Variants in FBN3 observed in about 807,000 individuals in gnomAD.
FBN3 encodes fibrillin 3.
In FBN3, 234 loss-of-function variants were observed where a neutral mutation model predicts 330.1. The ratio of observed to expected loss-of-function variants is 0.71; its 90% CI spans 0.64 to 0.79. The LOEUF is 0.79. Ranked by LOEUF, FBN3 falls within the 30% of genes least tolerant of loss-of-function variation. FBN3 has a pLI of 0.00. For missense variants in FBN3, 3,606 were observed against 3,886.9 expected, an observed-to-expected ratio of 0.93 and a Z score of 1.92; for synonymous variants, 1,458 against 1,517.3, an observed-to-expected ratio of 0.96 and a Z score of 0.91.
At position 8,147,046 on chromosome 19, in the gene FBN3, G is replaced by A. The variant is rs994003538; in HGVS notation, c.250+58C>T. The A allele has an allele frequency of 4.1e-6, 6 of 1,446,168 alleles. No individual in the cohort carries two copies. The African/African-American group carries it at 7.0e-5, about 17-fold the overall frequency. The allele number at this position is 1,446,168 out of a possible 1,614,324, so 89.6% of individuals were successfully genotyped here. A position where few individuals can be genotyped will look rare whatever the true frequency, so the allele number is the denominator to read the frequency against. On this transcript the variant is annotated intron_variant, in intron 3 of 63. Coordinates refer to ENST00000600128, the MANE Select transcript of FBN3 (RefSeq NM_032447.5). ...CGTGTAAACAGAGCTGAACCTGCAG[G>A]CAGGTAAGAGTGTCCCCGGCCTGTG...
intron 56 of FBN3, among the ~76,000 whole-genome samples, chr19:8,084,220 C>T (rs1032252987): frequency 5.3e-5 from 8 of 152,216 alleles, no homozygotes; most frequent in Non-Finnish European, 1.2e-4. Flanking sequence ...CACATACCTG[C>T]CCTTGTACAC....
rs762517296 is a variant in FBN3 at position 8,073,060 on chromosome 19, C to T, written c.7937+3G>A. On this transcript the variant is annotated splice_donor_region_variant and intron_variant, in intron 62 of 63. Transcript: ENST00000600128. Reference sequence around the variant, plus strand: ...GTCTGCTTGCCCCACTCCAGCCTCTCACCCTTGCCCAGCCCGGAAGTAGCC... The same window carrying T: ...GTCTGCTTGCCCCACTCCAGCCTCTTACCCTTGCCCAGCCCGGAAGTAGCC... The T allele has an allele frequency of 1.9e-6, 3 of 1,601,022 alleles. No individual in the cohort carries two copies. Among genetic ancestry groups the T allele is most frequent in the East Asian group, 4.5e-5 (2 of 44,608 alleles).
chr19:8,135,936 G>GGGGGGGGGGGGGGGGGGCCCCCCCCC, intron 13 of FBN3, 25 bp downstream of exon 13: 24 of 668,694 alleles, frequency 3.6e-5, no homozygotes, highest in Non-Finnish European at 4.3e-5. Flanking sequence ...GGAAGCCCCT[G>GGGGGGGGGGGGGGGGGGCCCCCCCCC]CCCACCCGCC....
At chr19:8,135,936 G>GGGCTCCCCCCC in intron 13 of FBN3, 25 bp downstream of exon 13, 1 of 668,778 alleles carries the variant, frequency 1.5e-6, no homozygotes, top group Non-Finnish European at 2.4e-6. Flanking sequence ...GGAAGCCCCT[G>GGGCTCCCCCCC]CCCACCCGCC....
intron 63 of FBN3, among the ~76,000 whole-genome samples, chr19:8,071,830 G>A (rs1418085925): frequency 2.1e-5 from 3 of 143,632 alleles, no homozygotes; most frequent in African/African-American, 5.0e-5. Context: ...CAGAGTGTCC[G>A]GGAGATGTGT....
rs747340290 is a variant in FBN3 at position 8,097,265 on chromosome 19, G to GC, written c.5287+23dup. On this transcript the variant is annotated intron_variant, in intron 42 of 63. Coordinates refer to ENST00000600128, the MANE Select transcript of FBN3 (RefSeq NM_032447.5). ...ACATGCATCCCACCCAGGCCCCAGGGCTGGGAACAGGGAGAGGTGGCACCT... is the reference window on the plus strand; with the variant it reads ...ACATGCATCCCACCCAGGCCCCAGGGCCTGGGAACAGGGAGAGGTGGCACCT... 200 of 1,591,988 alleles carry GC rather than the reference G, an allele frequency of 1.3e-4. 1 individual carries two copies. In the African/African-American group the frequency reaches 2.5e-3, roughly 20 times the overall value.
At chr19:8,141,567 A>AG in intron 8 of FBN3, 150 bp downstream of exon 8, 1 of 846,622 alleles carries the variant, frequency 1.2e-6, no homozygotes, top group Non-Finnish European at 1.8e-6. Flanking sequence ...GGACAGGCTG[A>AG]GACACTCATT....
Position 8,085,521 on chromosome 19 carries a change from C to A in FBN3, c.6929G>T (p.Arg2310Leu), listed in dbSNP as rs776367717. The A allele has an allele frequency of 5.6e-6, 9 of 1,594,358 alleles. No individual in the cohort carries two copies. The highest frequency in any genetic ancestry group is 2.3e-5 in the South Asian group (2 of 87,974). The change falls in exon 56 of 64, where the codon CGG (arginine) becomes CTG (leucine). Residue 2310 changes from arginine (R) to leucine (L), a missense_variant. By Grantham distance (102) the Arg-to-Leu change is moderately radical (BLOSUM62 -2). Coordinates refer to ENST00000600128, the MANE Select transcript of FBN3 (RefSeq NM_032447.5). ...CFAEVLQTMC[R>L]SLSSSSEAVT... Reference sequence around the variant, plus strand: ...AGCCTCACTGCTGCTGGACAGAGACCGGCACATGGTCTGCAGCACCTCGGC... The same window carrying A: ...AGCCTCACTGCTGCTGGACAGAGACAGGCACATGGTCTGCAGCACCTCGGC...
chr19:8,105,083 T>C (rs1157187511), intron 38 of FBN3, among the ~76,000 whole-genome samples: 2 of 151,792 alleles, frequency 1.3e-5, no homozygotes, highest in Non-Finnish European at 2.9e-5. Flanking sequence ...GCCTCCCGAG[T>C]AGCTGGGACT....
chr19:8,095,396 C>G lies in FBN3; in HGVS notation c.5764G>C (p.Ala1922Pro). Residue 1922 changes from alanine (A) to proline (P), a missense_variant, in exon 46 of 64, where the codon GCT becomes CCT. Coordinates refer to ENST00000600128, the MANE Select transcript of FBN3 (RefSeq NM_032447.5). ...TCACCCACACAGTTCTTCCCATCAG[C>G]TGTGAGCTCAAAGCCATCCTGGCAG... ...CLCQDGFELT[A>P]DGKNCVDTNE... 6.2e-7 allele frequency: 1 copy of G among 1,613,092 alleles called. No individual in the cohort carries two copies. The highest frequency in any genetic ancestry group is 1.1e-5 in the South Asian group (1 of 91,016).
chr19:8,071,828 C>T lies in FBN3; in HGVS notation c.8088+220G>A, dbSNP rs376274612. ...TGTCACCAGGAGTGAGGCAGAGTGT[C>T]CGGGAGATGTGTCCCCCAGAGACCC... On this transcript the variant is annotated intron_variant, in intron 63 of 63. Coordinates refer to ENST00000600128, the MANE Select transcript of FBN3 (RefSeq NM_032447.5). 6.9e-5 allele frequency among the ~76,000 whole-genome samples: 10 copies of T among 145,532 alleles called. No homozygotes were observed. In the East Asian group the frequency reaches 1.9e-3, roughly 28 times the overall value.
chr19:8,076,460 GCC>G (rs1413432103), intron 59 of FBN3, among the ~76,000 whole-genome samples: 5 of 151,960 alleles, frequency 3.3e-5, no homozygotes, highest in East Asian at 1.9e-4. Context: ...ACATGGTGAA[GCC>G]CCATCTCTAC....
At chr19:8,079,440 G>A (rs984514596) in intron 59 of FBN3, among the ~76,000 whole-genome samples, 11 of 108,178 alleles carry the variant, frequency 1.0e-4, no homozygotes, top group African/African-American at 2.4e-4. Flanking sequence ...CAAACAAACA[G>A]ACAGACAACA....
At chr19:8,075,261 C>T (rs1206229029) in intron 60 of FBN3, 22 bp downstream of exon 60, 1 of 1,601,764 alleles carries the variant, frequency 6.2e-7, no homozygotes, top group East Asian at 2.2e-5. Flanking sequence ...AACACTAGAC[C>T]CCAGCCAAAG....
At chr19:8,143,992 G>C (rs1359587831) in intron 6 of FBN3, among the ~76,000 whole-genome samples, 3 of 151,562 alleles carry the variant, frequency 2.0e-5, no homozygotes, top group African/African-American at 7.3e-5. Context: ...TTTTTTTAGA[G>C]AGGGGGGGTG....
At position 8,129,352 on chromosome 19, in the gene FBN3, A is replaced by C; in HGVS notation, c.2058T>G (p.Cys686Trp). 1 of 1,614,038 alleles carries C rather than the reference A, an allele frequency of 6.2e-7. No individual in the cohort carries two copies. The highest frequency in any genetic ancestry group is 1.7e-5 in the Admixed American group (1 of 60,016). Residue 686 changes from cysteine (C) to tryptophan (W), a missense_variant, in exon 17 of 64, where the codon TGT becomes TGG. Physicochemically the swap from Cys to Trp is radical, Grantham distance 215 (BLOSUM62 -2). Coordinates refer to ENST00000600128, the MANE Select transcript of FBN3 (RefSeq NM_032447.5). This position sits in a 1 kb window ranked among gnomAD's most constrained non-coding sequence, Gnocchi z 4.5. ...ITTDGRDINE[C>W]ALDPEVCANG... Reference sequence around the variant, plus strand: ...TGGCACAAACCTCAGGATCCAGAGCACACTCGTTGATGTCTGCGGCAGGAG... The same window carrying C: ...TGGCACAAACCTCAGGATCCAGAGCCCACTCGTTGATGTCTGCGGCAGGAG...
At position 8,145,700 on chromosome 19, in the gene FBN3, A is replaced by G. The variant is rs1284564580; in HGVS notation, c.445+143T>C. On this transcript the variant is annotated intron_variant, in intron 5 of 63. Transcript: ENST00000600128. The stretch of plus-strand genomic sequence containing the variant: ...TGTCTCAAAAAAAAAAAAAAAAAAA[A>G]GAGACTGTGGCAATAAACGTCCCCT... The G allele has an allele frequency of 5.6e-6, 3 of 537,130 alleles. No individual in the cohort carries two copies. In the Admixed American group the frequency reaches 1.1e-4, roughly 19 times the overall value. The allele number at this position is 537,130 out of a possible 1,614,324, so 33.3% of individuals were successfully genotyped here. A position where few individuals can be genotyped will look rare whatever the true frequency, so the allele number is the denominator to read the frequency against.
intron 47 of FBN3, 139 bp downstream of exon 47, chr19:8,094,307 T>C: frequency 1.1e-6 from 1 of 880,038 alleles, no homozygotes; most frequent in Non-Finnish European, 1.7e-6. Flanking sequence ...ATGACAATAA[T>C]AGTTTATGAA....
At chr19:8,108,352 T>C in intron 36 of FBN3, 114 bp from the exon 37 acceptor site, 2 of 777,816 alleles carry the variant, frequency 2.6e-6, no homozygotes, top group Non-Finnish European at 2.1e-6. Context: ...CCCATCCTTC[T>C]ACTGTACTAA....
Sources: gnomAD v4.1 joint callset for allele counts (sites outside exome capture counted in the v4.1 genomes callset) on GRCh38, gnomAD v4.1.1 for gene constraint, Gnocchi (gnomAD v3.1) non-coding constraint, MANE v1.5 for transcripts, NCBI Gene and HGNC (gene_info 2026-07-23, HGNC 2026-07-21) for gene names.